Variants in BOK observed in about 807,000 individuals in gnomAD.
The protein encoded by BOK is bcl-2-related ovarian killer protein.
BOK carries 20 observed loss-of-function variants against 18.3 expected under a neutral mutation model. The observed-to-expected ratio is 1.09, with a 90% confidence interval of 0.77 to 1.59. BOK has a LOEUF of 1.59. BOK is among the 40% of genes most tolerant of loss of function. BOK has a pLI of 0.00. For missense variants in BOK, 348 were observed against 307.9 expected, an observed-to-expected ratio of 1.13 and a Z score of -0.97; for synonymous variants, 173 against 142.4, an observed-to-expected ratio of 1.21 and a Z score of -1.53.
At chr2:241,569,245 C>T (rs1256643941) in intron 3 of BOK, among the ~76,000 whole-genome samples, 1 of 152,268 alleles carries the variant, frequency 6.6e-6, no homozygotes, top group Non-Finnish European at 1.5e-5. Context: ...GATTCTCCTG[C>T]TTCAGCCTCC....
intron 2 of BOK, among the ~76,000 whole-genome samples, chr2:241,560,593 CA>C (rs1390245144): frequency 6.6e-6 from 1 of 152,122 alleles, no homozygotes; most frequent in African/African-American, 2.4e-5. Context: ...CTGGCCTGCC[CA>C]GGAGTGTGTG....
upstream of BOK, among the ~76,000 whole-genome samples, chr2:241,556,701 T>C (rs1257671087): frequency 6.6e-6 from 1 of 152,130 alleles, no homozygotes; most frequent in Non-Finnish European, 1.5e-5. Context: ...ATAGCTTTCC[T>C]AGCTTCTGGT....
intron 3 of BOK, among the ~76,000 whole-genome samples, chr2:241,568,978 CG>C (rs1559204853): frequency 6.6e-6 from 1 of 150,502 alleles, no homozygotes; most frequent in Non-Finnish European, 1.5e-5. Flanking sequence ...TGACTCCCTC[CG>C]GGGACCGCTG....
In BOK at chr2:241,570,177, C is replaced by A. The variant is rs371228276; in HGVS notation, c.402C>A (p.Ala134=). 6.2e-7 allele frequency: 1 copy of A among 1,610,700 alleles called. No individual in the cohort carries two copies. Among genetic ancestry groups the A allele is most frequent in the Non-Finnish European group, 8.5e-7 (1 of 1,179,174 alleles). Residue 134 remains alanine, a synonymous_variant, in exon 4 of 5, where the codon GCC becomes GCA. Transcript: ENST00000318407. ...VSLYAVAAGL[A]VDCVRQAQPA... ...TGTATGCGGTGGCCGCGGGGCTGGC[C>A]GTGGACTGTGTGAGGCAGGCCCAGC...
In BOK at chr2:241,569,391, A is replaced by G. The variant is rs187603070; in HGVS notation, c.350-734A>G. 5.4e-3 allele frequency among the ~76,000 whole-genome samples: 817 copies of G among 152,320 alleles called. 16 individuals are homozygous for G. Among genetic ancestry groups the G allele is most frequent in the Admixed American group, 0.041 (632 of 15,292 alleles). On this transcript the variant is annotated intron_variant, in intron 3 of 4. Transcript: ENST00000318407. ...TGTGATCTGCCCGCCTCGGCCTCCC[A>G]AAGTGCTGGGATTCCAGGCGTGAGC...
Position 241,570,147 on chromosome 2 carries a change from G to A in BOK, c.372G>A (p.Val124=), listed in dbSNP as rs150995812. 3.1e-6 allele frequency: 5 copies of A among 1,611,596 alleles called. No homozygotes were observed. The highest frequency in any genetic ancestry group is 2.7e-5 in the African/African-American group (2 of 74,862). The change falls in exon 4 of 5, where the codon GTG becomes GTA. Residue 124 remains valine, a synonymous_variant. Coordinates refer to ENST00000318407, the MANE Select transcript of BOK (RefSeq NM_032515.5). ...FSAGITWGKV[V]SLYAVAAGLA... ...CAGGCATCACGTGGGGCAAGGTGGTGTCCCTGTATGCGGTGGCCGCGGGGC... is the reference window on the plus strand; with the variant it reads ...CAGGCATCACGTGGGGCAAGGTGGTATCCCTGTATGCGGTGGCCGCGGGGC...
intron 3 of BOK, among the ~76,000 whole-genome samples, chr2:241,564,505 CTGA>C (rs2066580273): frequency 6.7e-6 from 1 of 150,332 alleles, no homozygotes; most frequent in Admixed American, 6.6e-5. Flanking sequence ...TGGGGCAGAC[CTGA>C]GTCGGCTGGG....
At chr2:241,558,054 GACACACAC>G (rs60885185), upstream of BOK, among the ~76,000 whole-genome samples, 1 of 143,244 alleles carries the variant, frequency 7.0e-6, no homozygotes, top group Non-Finnish European at 1.5e-5. Flanking sequence ...AGAGTTCCGA[GACACACAC>G]ACACACACAC....
At position 241,572,701 on chromosome 2, in the gene BOK, C is replaced by T; in HGVS notation, c.*279C>T. Reference sequence around the variant, plus strand: ...GTGTTTTCCCTTTTCTTTCTGGGGCCAGGAAGTCAGGGTCAACTCCCAGGC... The same window carrying T: ...GTGTTTTCCCTTTTCTTTCTGGGGCTAGGAAGTCAGGGTCAACTCCCAGGC... On this transcript the variant is annotated 3_prime_UTR_variant, in exon 5 of 5. Coordinates refer to ENST00000318407, the MANE Select transcript of BOK (RefSeq NM_032515.5). 1 of 483,920 alleles carries T rather than the reference C, an allele frequency of 2.1e-6. No homozygotes were observed. The highest frequency in any genetic ancestry group is 3.6e-5 in the East Asian group (1 of 27,734). 30.0% of individuals were successfully genotyped at this position (483,920 alleles called of 1,614,324 possible). A position where few individuals can be genotyped will look rare whatever the true frequency, so the allele number is the denominator to read the frequency against.
At chr2:241,569,246 T>C (rs889066268) in intron 3 of BOK, among the ~76,000 whole-genome samples, 2 of 152,126 alleles carry the variant, frequency 1.3e-5, no homozygotes, top group African/African-American at 2.4e-5. Context: ...ATTCTCCTGC[T>C]TCAGCCTCCC....
chr2:241,562,043 C>T lies in BOK; in HGVS notation c.221-305C>T, dbSNP rs146408761. On this transcript the variant is annotated intron_variant, in intron 2 of 4. Transcript: ENST00000318407. This position sits in a 1 kb window ranked among gnomAD's most constrained non-coding sequence, Gnocchi z 4.5. Reference sequence around the variant, plus strand: ...GTGAGTCACCAGCAGGCACGGCCCACGCTCTCGCAGGATTCCCGCCCCACC... The same window carrying T: ...GTGAGTCACCAGCAGGCACGGCCCATGCTCTCGCAGGATTCCCGCCCCACC... 1.5e-3 allele frequency among the ~76,000 whole-genome samples: 236 copies of T among 152,374 alleles called. 3 individuals carry two copies. In the East Asian group the frequency reaches 0.033, roughly 21 times the overall value.
chr2:241,569,163 C>A (rs911804705), intron 3 of BOK, among the ~76,000 whole-genome samples: 6 of 152,372 alleles, frequency 3.9e-5, no homozygotes, highest in Admixed American at 3.3e-4. Flanking sequence ...CGGGGTCTCG[C>A]TCTGTCGCCC....
In BOK at chr2:241,567,596, C is replaced by T. The variant is rs1357801950; in HGVS notation, c.350-2529C>T. Reference sequence around the variant, plus strand: ...TAGAGCAGGGGCTGTGCCGGGTGTGCGCATCCCACCAATGACAAGGGCACC... The same window carrying T: ...TAGAGCAGGGGCTGTGCCGGGTGTGTGCATCCCACCAATGACAAGGGCACC... On this transcript the variant is annotated intron_variant, in intron 3 of 4. Coordinates refer to ENST00000318407, the MANE Select transcript of BOK (RefSeq NM_032515.5). Among the ~76,000 whole-genome samples the T allele has an allele frequency of 4.5e-5, 6 of 134,292 alleles. 1 individual carries two copies. The highest frequency in any genetic ancestry group is 8.0e-5 in the Non-Finnish European group (5 of 62,862). 88.1% of individuals were successfully genotyped at this position (134,292 alleles called of 152,430 possible).
rs2125059019 is a variant in BOK at position 241,573,696 on chromosome 2, G to A, written c.*1274G>A. 1 of 152,384 alleles carries A rather than the reference G, an allele frequency of 6.6e-6. No individual in the cohort carries two copies. Among genetic ancestry groups the A allele is most frequent in the South Asian group, 2.1e-4 (1 of 4,828 alleles). 9.4% of individuals were successfully genotyped at this position (152,384 alleles called of 1,614,324 possible). On this transcript the variant is annotated 3_prime_UTR_variant, in exon 5 of 5. Coordinates refer to ENST00000318407, the MANE Select transcript of BOK (RefSeq NM_032515.5). Reference sequence around the variant, plus strand: ...TCCCAGTCCATTGTCAGTGGAGGGTGAGGGTGACCCCATCTGCTATTTTTG... The same window carrying A: ...TCCCAGTCCATTGTCAGTGGAGGGTAAGGGTGACCCCATCTGCTATTTTTG...
At chr2:241,553,649 T>C (rs1286010736) in intron 1 of BOK, among the ~76,000 whole-genome samples, 2 of 152,102 alleles carry the variant, frequency 1.3e-5, no homozygotes, top group Non-Finnish European at 2.9e-5. Flanking sequence ...GCAGATCTCG[T>C]GAGAACTCAC....
intron 3 of BOK, among the ~76,000 whole-genome samples, chr2:241,568,116 C>T (rs927771927): frequency 6.6e-6 from 1 of 151,936 alleles, no homozygotes; most frequent in African/African-American, 2.4e-5. Context: ...GAGCCCCATG[C>T]CTTCTTTTAT....
Position 241,570,181 on chromosome 2 carries a change from G to GA in BOK, c.407dup (p.Asp136GlufsTer38). ...TGCGGTGGCCGCGGGGCTGGCCGTGGACTGTGTGAGGCAGGCCCAGCCTGC... is the reference window on the plus strand; with the variant it reads ...TGCGGTGGCCGCGGGGCTGGCCGTGGAACTGTGTGAGGCAGGCCCAGCCTGC... On this transcript the variant is annotated frameshift_variant, in exon 4 of 5. Transcript: ENST00000318407. LOFTEE classifies it high-confidence loss of function. The GA allele has an allele frequency of 6.2e-7, 1 of 1,610,500 alleles. No homozygotes were observed. The highest frequency in any genetic ancestry group is 1.1e-5 in the South Asian group (1 of 90,802).
rs771747908 is a variant in BOK at position 241,559,470 on chromosome 2, C to T, written c.-14C>T. Reference sequence around the variant, plus strand: ...GTGCCCGCAGGTGCGGCGCCCCCCACCCGCGTCGCCGCCATGGAGGTGCTG... The same window carrying T: ...GTGCCCGCAGGTGCGGCGCCCCCCATCCGCGTCGCCGCCATGGAGGTGCTG... On this transcript the variant is annotated 5_prime_UTR_variant, in exon 2 of 5. Coordinates refer to ENST00000318407, the MANE Select transcript of BOK (RefSeq NM_032515.5). 1.4e-6 allele frequency: 2 copies of T among 1,451,802 alleles called. No homozygotes were observed. The highest frequency in any genetic ancestry group is 3.0e-5 in the East Asian group (1 of 32,960). 89.9% of individuals were successfully genotyped at this position (1,451,802 alleles called of 1,614,324 possible).
At chr2:241,569,422 C>T (rs1359048136) in intron 3 of BOK, among the ~76,000 whole-genome samples, 3 of 152,330 alleles carry the variant, frequency 2.0e-5, no homozygotes, top group East Asian at 1.9e-4. Flanking sequence ...TGAGCCACCG[C>T]GCCTGGCGTA....
Sources: gnomAD v4.1 joint callset for allele counts (sites outside exome capture counted in the v4.1 genomes callset) on GRCh38, gnomAD v4.1.1 for gene constraint, Gnocchi (gnomAD v3.1) non-coding constraint, MANE v1.5 for transcripts, NCBI Gene and HGNC (gene_info 2026-07-23, HGNC 2026-07-21) for gene names.